Variants in ABCA9 observed in about 807,000 individuals in gnomAD.
The protein encoded by ABCA9 is ATP binding cassette subfamily A member 9, also known as ATP-binding cassette sub-family A member 9.
A neutral mutation model predicts 205.3 loss-of-function variants in ABCA9; 183 were observed. The observed-to-expected ratio is 0.89, with a 90% CI of 0.79 to 1.01. The LOEUF (loss-of-function observed/expected upper bound fraction) is 1.01. Among genes scored for constraint, ABCA9 ranks in the 50% least tolerant of loss-of-function variants. ABCA9 has a pLI of 0.00. For missense variants in ABCA9, 1,805 were observed against 1,912.4 expected (o/e 0.94, Z 1.05); for synonymous variants, 651 against 683.3 (o/e 0.95, Z 0.74).
intron 28 of ABCA9, among the ~76,000 whole-genome samples, chr17:68,991,247 T>C (rs1453214731): frequency 2.0e-5 from 3 of 152,184 alleles, no homozygotes; most frequent in Non-Finnish European, 2.9e-5. Context: ...TGGCAAAGGA[T>C]TGTGAAGCAG....
intron 37 of ABCA9, among the ~76,000 whole-genome samples, chr17:68,977,782 C>T (rs142094795): frequency 1.3e-4 from 20 of 152,324 alleles, no homozygotes; most frequent in African/African-American, 4.8e-4. Context: ...AAAATGCTAG[C>T]TTACATCTCC....
At chr17:69,002,620 A>G (rs1276452537) in intron 25 of ABCA9, among the ~76,000 whole-genome samples, 2 of 152,206 alleles carry the variant, frequency 1.3e-5, no homozygotes, top group East Asian at 3.9e-4. Context: ...AGTTCTGTAG[A>G]TGTCTATTAG....
chr17:68,987,860 G>A (rs191608999), intron 31 of ABCA9, among the ~76,000 whole-genome samples: 72 of 152,030 alleles, frequency 4.7e-4, no homozygotes, highest in African/African-American at 1.7e-3. Flanking sequence ...TCCCGGCCGG[G>A]TTCAAGCAAT....
At chr17:69,043,351 T>C in intron 6 of ABCA9, 138 bp downstream of exon 6, 1 of 610,154 alleles carries the variant, frequency 1.6e-6, no homozygotes, top group Non-Finnish European at 2.8e-6. Context: ...CCTCCTGCTA[T>C]GTGGCCTGGT....
At chr17:69,073,753 G>A in the ABCA9 span, among the ~76,000 whole-genome samples, 1 of 152,164 alleles carries the variant, frequency 6.6e-6, no homozygotes, top group African/African-American at 2.4e-5. Flanking sequence ...TAAGATCAGA[G>A]TAAAACTGAA....
chr17:69,050,907 T>A (rs78378959), intron 2 of ABCA9, 124 bp downstream of exon 2: 70 of 373,138 alleles, frequency 1.9e-4, no homozygotes, highest in Middle Eastern at 6.7e-4. Context: ...TGAAAAAAAA[T>A]CTAGCTTGTT....
chr17:69,029,426 T>C (rs1467971906), intron 10 of ABCA9, among the ~76,000 whole-genome samples, 199 bp from the exon 11 acceptor site: 2 of 152,100 alleles, frequency 1.3e-5, no homozygotes, highest in Non-Finnish European at 2.9e-5. Flanking sequence ...AGAAGCAGAA[T>C]CCCTGATCTT....
intron 31 of ABCA9, among the ~76,000 whole-genome samples, chr17:68,988,054 G>A (rs140461794): frequency 4.7e-4 from 72 of 152,188 alleles, no homozygotes; most frequent in African/African-American, 1.7e-3. Context: ...AGGAGCCACC[G>A]TGCCCGGACC....
intron 1 of ABCA9, among the ~76,000 whole-genome samples, chr17:69,058,952 G>A (rs913732599): frequency 6.6e-6 from 1 of 152,146 alleles, no homozygotes; most frequent in Non-Finnish European, 1.5e-5. Context: ...AGGCAAATAA[G>A]GAGCAAAGTC....
chr17:68,985,124 C>G lies in ABCA9; in HGVS notation c.4213G>C (p.Val1405Leu). 6.2e-7 allele frequency: 1 copy of G among 1,614,182 alleles called. No individual in the cohort carries two copies. The highest frequency in any genetic ancestry group is 8.5e-7 in the Non-Finnish European group (1 of 1,180,022). ...GDAMIAITRL[V>L]DALKLQDQLK... is the part of the protein sequence containing the mutation. ...TGGTCCTGCAGCTTGAGCGCATCCA[C>G]TAACCTGAAGAAAACAGAGTCAATC... Residue 1405 changes from valine to leucine, a missense_variant, in exon 33 of 39, where the codon GTG becomes CTG. Val to Leu is a conservative substitution (Grantham distance 32). Transcript: ENST00000340001.
At chr17:69,001,128 T>C (rs1205057731) in intron 25 of ABCA9, among the ~76,000 whole-genome samples, 1 of 151,614 alleles carries the variant, frequency 6.6e-6, no homozygotes, top group African/African-American at 2.4e-5. Flanking sequence ...TCCTGCCTAA[T>C]TGCCCTGGCC....
chr17:68,985,753 G>T (rs1246285712), intron 32 of ABCA9, among the ~76,000 whole-genome samples: 2 of 151,952 alleles, frequency 1.3e-5, no homozygotes, highest in African/African-American at 4.8e-5. Flanking sequence ...TGAGGGTCTT[G>T]AAAGACCAGC....
chr17:69,013,583 C>T (rs759579180), intron 22 of ABCA9, among the ~76,000 whole-genome samples: 4 of 152,122 alleles, frequency 2.6e-5, no homozygotes, highest in African/African-American at 4.8e-5. Flanking sequence ...AGCTTCCTTA[C>T]TCATGACTGG....
chr17:69,028,051 G>A (rs1179014564), intron 12 of ABCA9, among the ~76,000 whole-genome samples: 2 of 151,948 alleles, frequency 1.3e-5, no homozygotes, highest in Non-Finnish European at 2.9e-5. Context: ...TTTAAAACAC[G>A]AACAACATTT....
Position 68,993,076 on chromosome 17 carries a change from A to T in ABCA9, c.3564T>A (p.Pro1188=). 6.2e-7 allele frequency: 1 copy of T among 1,613,302 alleles called. No individual in the cohort carries two copies. The highest frequency in any genetic ancestry group is 8.5e-7 in the Non-Finnish European group (1 of 1,179,356). ...AAGCTCCTAAGTAATCCATGGAATC[A>T]GGAGAAATCTGTAAAATGAGCAGTA... ...GSLFIFSEIS[P]DSMDYLGASE... Residue 1188 remains proline (P), a synonymous_variant, in exon 27 of 39, where the codon CCT becomes CCA. Coordinates refer to ENST00000340001, the MANE Select transcript of ABCA9 (RefSeq NM_080283.4).
the ABCA9 span, among the ~76,000 whole-genome samples, chr17:69,074,485 G>A: frequency 6.6e-6 from 1 of 152,186 alleles, no homozygotes; most frequent in African/African-American, 2.4e-5. Context: ...CCACTTATAA[G>A]TGAGAACATG....
In ABCA9 at chr17:69,033,727, G is replaced by A. The variant is rs146940647; in HGVS notation, c.1275C>T (p.Pro425=). The A allele has an allele frequency of 5.4e-5, 86 of 1,604,944 alleles. No homozygotes were observed. Among genetic ancestry groups the A allele is most frequent in the African/African-American group, 4.1e-4 (31 of 74,700 alleles). Residue 425 remains proline, a splice_region_variant and synonymous_variant, in exon 9 of 39, where the codon CCC becomes CCT. Transcript: ENST00000340001. ...AATTACAGCCATGTTAGTACTTACC[G>A]GGCAAAATTTTGTCAAAATATAATG... ...VLTLYFDKIL[P]AEYGHRCSPL...
rs1454360795 is a variant in ABCA9 at position 68,975,057 on chromosome 17, T to C, written c.*858A>G. The C allele has an allele frequency of 2.6e-5, 4 of 152,000 alleles. No individual in the cohort carries two copies. The highest frequency in any genetic ancestry group is 5.9e-5 in the Non-Finnish European group (4 of 68,008). 9.4% of individuals were successfully genotyped at this position (152,000 alleles called of 1,614,324 possible). On this transcript the variant is annotated 3_prime_UTR_variant, in exon 39 of 39. Coordinates refer to ENST00000340001, the MANE Select transcript of ABCA9 (RefSeq NM_080283.4). ...TGTGGTGTTCCCCTCCCTGTGTCCA[T>C]GTATTCTCATTGTTCAATTCCCACT...
chr17:69,050,504 A>C (rs2071869959), intron 2 of ABCA9, among the ~76,000 whole-genome samples: 1 of 152,174 alleles, frequency 6.6e-6, no homozygotes, highest in African/African-American at 2.4e-5. Context: ...ATCAGAAGAA[A>C]ATAAGTACTA....
Sources: gnomAD v4.1 joint callset for allele counts (sites outside exome capture counted in the v4.1 genomes callset) on GRCh38, gnomAD v4.1.1 for gene constraint, MANE v1.5 for transcripts, NCBI Gene and HGNC (gene_info 2026-07-23, HGNC 2026-07-21) for gene names.